The following FGGY variants were observed in gnomAD, a reference collection of about 807,000 sequenced individuals.
FGGY encodes FGGY carbohydrate kinase domain-containing protein.
FGGY carries 72 observed loss-of-function variants against 71.3 expected under a neutral mutation model. The ratio of observed to expected loss-of-function variants is 1.01; its 90% CI spans 0.84 to 1.23. FGGY has a LOEUF of 1.23. FGGY is among the 50% of genes most tolerant of loss of function. The pLI is 0.00. For missense variants in FGGY, 668 were observed against 682.3 expected, an observed-to-expected ratio of 0.98 and a Z score of 0.23; for synonymous variants, 251 against 250.3, an observed-to-expected ratio of 1.00 and a Z score of -0.02.
intron 2 of FGGY, among the ~76,000 whole-genome samples, chr1:59,330,318 G>A (rs185277283): frequency 6.6e-6 from 1 of 152,114 alleles, no homozygotes; most frequent in East Asian, 1.9e-4. Context: ...AAAAGAAATT[G>A]AGAGCACTTT....
At chr1:59,487,572 T>C (rs2093692753) in intron 6 of FGGY, among the ~76,000 whole-genome samples, 1 of 152,218 alleles carries the variant, frequency 6.6e-6, no homozygotes, top group African/African-American at 2.4e-5. Flanking sequence ...CCCAACTTCT[T>C]TCTCAGTTAC....
At chr1:59,652,292 G>A (rs1373406533) in intron 11 of FGGY, among the ~76,000 whole-genome samples, 12 of 146,906 alleles carry the variant, frequency 8.2e-5, no homozygotes, top group Admixed American at 2.0e-4. Context: ...GAATCTGAAC[G>A]TTGGCCTGCC....
intron 13 of FGGY, among the ~76,000 whole-genome samples, chr1:59,671,569 G>A (rs1405742009): frequency 6.6e-6 from 1 of 152,178 alleles, no homozygotes; most frequent in Non-Finnish European, 1.5e-5. Context: ...GGTCTTAGAG[G>A]CAAATGGAAG....
chr1:59,336,877 G>A (rs1042438738), intron 2 of FGGY, among the ~76,000 whole-genome samples: 7 of 152,050 alleles, frequency 4.6e-5, no homozygotes, highest in Middle Eastern at 3.4e-3. Flanking sequence ...GCTCTTCATA[G>A]CAATGTTTGG....
chr1:59,583,743 C>A (rs1027457639), intron 8 of FGGY, among the ~76,000 whole-genome samples: 1 of 142,180 alleles, frequency 7.0e-6, no homozygotes, highest in African/African-American at 2.8e-5. Flanking sequence ...GTCACCCTCA[C>A]CAAGATACCC....
At chr1:59,748,934 G>A (rs1165946127) in intron 14 of FGGY, among the ~76,000 whole-genome samples, 1 of 152,168 alleles carries the variant, frequency 6.6e-6, no homozygotes, top group Non-Finnish European at 1.5e-5. Flanking sequence ...CCCCTCCCCT[G>A]ACCTTCCAGA....
At chr1:59,701,782 A>C (rs2097711753) in intron 14 of FGGY, among the ~76,000 whole-genome samples, 2 of 152,260 alleles carry the variant, frequency 1.3e-5, no homozygotes, top group South Asian at 2.1e-4. Flanking sequence ...GCAGAATTTT[A>C]AACCTTGGGA....
intron 8 of FGGY, among the ~76,000 whole-genome samples, chr1:59,583,333 C>T (rs547588356): frequency 7.0e-6 from 1 of 143,298 alleles, no homozygotes; most frequent in Admixed American, 6.9e-5. Context: ...ACATACATTC[C>T]TTGTCAATAT....
At chr1:59,567,067 G>A (rs141350977) in intron 8 of FGGY, among the ~76,000 whole-genome samples, 2 of 152,278 alleles carry the variant, frequency 1.3e-5, no homozygotes, top group East Asian at 3.9e-4. Context: ...ATACCAGTTA[G>A]CAACTGTAAA....
intron 5 of FGGY, 116 bp from the exon 6 acceptor site, chr1:59,456,845 C>A: frequency 1.6e-6 from 1 of 641,238 alleles, no homozygotes; most frequent in Admixed American, 2.7e-5. Flanking sequence ...ATTATCTACA[C>A]TGGCTTATTC....
intron 10 of FGGY, among the ~76,000 whole-genome samples, chr1:59,627,483 T>TATATATAC (rs1427093096): frequency 7.8e-6 from 1 of 128,032 alleles, no homozygotes; most frequent in Non-Finnish European, 1.6e-5. Flanking sequence ...TATATATATA[T>TATATATAC]ATATATACAC....
intron 4 of FGGY, among the ~76,000 whole-genome samples, chr1:59,354,482 C>T (rs1449784624): frequency 1.3e-5 from 2 of 152,226 alleles, no homozygotes; most frequent in Admixed American, 1.3e-4. Context: ...TGAACTTTGG[C>T]ATTTCACATC....
rs72919649 is a variant in FGGY, at chr1:59,663,222, G to A, written c.1296+2929G>A. Among the ~76,000 whole-genome samples, 141 of 152,256 alleles carry A rather than the reference G, an allele frequency of 9.3e-4. 2 individuals are homozygous for A. Among genetic ancestry groups the A allele is most frequent in the African/African-American group, 3.1e-3 (130 of 41,562 alleles). ...ACAGACAAGGGGAGGACCATTTGCCGAGGTCAAACAGCTAGAGTATGGTAG... is the reference window on the plus strand; with the variant it reads ...ACAGACAAGGGGAGGACCATTTGCCAAGGTCAAACAGCTAGAGTATGGTAG... On this transcript the variant is annotated intron_variant, in intron 12 of 15. Coordinates refer to ENST00000303721, the MANE Select transcript of FGGY (RefSeq NM_018291.5).
chr1:59,323,383 G>A (rs2046758075), intron 2 of FGGY, among the ~76,000 whole-genome samples: 1 of 152,216 alleles, frequency 6.6e-6, no homozygotes, highest in African/African-American at 2.4e-5. Context: ...CGATAGCAAT[G>A]CTATTGCACT....
At chr1:59,744,846 C>T in intron 14 of FGGY, among the ~76,000 whole-genome samples, 1 of 152,136 alleles carries the variant, frequency 6.6e-6, no homozygotes, top group East Asian at 1.9e-4. Context: ...ATCTCACAGT[C>T]CAGTGGGGAG....
chr1:59,572,115 A>G (rs1296589026), intron 8 of FGGY, among the ~76,000 whole-genome samples: 1 of 152,160 alleles, frequency 6.6e-6, no homozygotes, highest in East Asian at 1.9e-4. Context: ...CATAAGTTTT[A>G]TACACTCCTC....
intron 14 of FGGY, among the ~76,000 whole-genome samples, chr1:59,743,387 G>C (rs2098166704): frequency 6.6e-6 from 1 of 152,146 alleles, no homozygotes; most frequent in East Asian, 1.9e-4. Context: ...AGAGCTGTCT[G>C]GTTGCCTCCT....
At chr1:59,754,243 T>G (rs907932752) in intron 14 of FGGY, among the ~76,000 whole-genome samples, 4 of 152,240 alleles carry the variant, frequency 2.6e-5, no homozygotes, top group Non-Finnish European at 5.9e-5. Flanking sequence ...CTGATTCTCA[T>G]AAGGCACATC....
chr1:59,340,199 A>G, intron 3 of FGGY, 130 bp downstream of exon 3: 1 of 643,596 alleles, frequency 1.6e-6, no homozygotes, highest in South Asian at 2.0e-5. Flanking sequence ...GTGAAGTGAC[A>G]CAGATCATGT....
Sources: allele counts gnomAD v4.1 joint callset (sites outside exome capture counted in the v4.1 genomes callset), GRCh38; gene constraint gnomAD v4.1.1; transcripts MANE v1.5; gene names NCBI Gene and HGNC (gene_info 2026-07-23, HGNC 2026-07-21).